PAQR8: variants seen among roughly 807,000 people sequenced by gnomAD.
PAQR8 encodes the protein progestin and adipoQ receptor family member 8.
In PAQR8, 17 loss-of-function variants were observed where a neutral mutation model predicts 25.2. The observed-to-expected ratio is 0.67, with a 90% CI of 0.46 to 1.01. The LOEUF (loss-of-function observed/expected upper bound fraction) is 1.01. Ranked by LOEUF, PAQR8 falls within the 50% of genes least tolerant of loss-of-function variation. The pLI is 0.00. For missense variants in PAQR8, 392 were observed against 448.4 expected (o/e 0.87, Z 1.14); for synonymous variants, 204 against 190.6 (o/e 1.07, Z -0.58).
At chr6:52,388,044 A>G (rs1045043950) in intron 1 of PAQR8, among the ~76,000 whole-genome samples, 47 of 152,196 alleles carry the variant, frequency 3.1e-4, no homozygotes, top group African/African-American at 1.0e-3. Flanking sequence ...CATTATGGTG[A>G]GTTGTATAAT....
At chr6:52,400,442 C>T (rs555555774) in intron 1 of PAQR8, among the ~76,000 whole-genome samples, 13 of 152,292 alleles carry the variant, frequency 8.5e-5, no homozygotes, top group Middle Eastern at 3.4e-3. Context: ...GTCATTTACT[C>T]CACAGATAAC....
chr6:52,395,868 T>G (rs1763761972), intron 1 of PAQR8, among the ~76,000 whole-genome samples: 1 of 152,162 alleles, frequency 6.6e-6, no homozygotes, highest in South Asian at 2.1e-4. Context: ...ATGAGGACAA[T>G]GACACTGAGT....
At chr6:52,380,509 A>AT (rs1763546823) in intron 1 of PAQR8, among the ~76,000 whole-genome samples, 2 of 152,360 alleles carry the variant, frequency 1.3e-5, no homozygotes, top group South Asian at 4.1e-4. Context: ...GGTTATTCTT[A>AT]TATGTGGCCT....
rs1469727371 is a variant in PAQR8 at position 52,362,778 on chromosome 6, A to G, written c.-53+529A>G. The stretch of plus-strand genomic sequence containing the variant: ...CGGAGGAGAGGAAGCCCGGGGCGGT[A>G]GGGAGAGCCCGAGGAAGGGCAGCCC... On this transcript the variant is annotated intron_variant, in intron 1 of 1. Coordinates refer to ENST00000442253, the MANE Select transcript of PAQR8 (RefSeq NM_133367.5). This position sits in a 1 kb window ranked among gnomAD's most constrained non-coding sequence, Gnocchi z 4.1. Among the ~76,000 whole-genome samples the G allele has an allele frequency of 6.6e-6, 1 of 152,108 alleles. No homozygotes were observed. The highest frequency in any genetic ancestry group is 1.5e-5 in the Non-Finnish European group (1 of 68,000).
chr6:52,404,347 C>G lies in PAQR8; in HGVS notation c.*69C>G. 1 of 1,375,966 alleles carries G rather than the reference C, an allele frequency of 7.3e-7. No individual in the cohort carries two copies. The highest frequency in any genetic ancestry group is 9.8e-7 in the Non-Finnish European group (1 of 1,025,112). The allele number at this position is 1,375,966 out of a possible 1,614,324, so 85.2% of individuals were successfully genotyped here. ...TGGAGAAAACTTGATACAATAGAAG[C>G]TGACTTTTAAGGCATTGGCTTTTAA... On this transcript the variant is annotated 3_prime_UTR_variant, in exon 2 of 2. Coordinates refer to ENST00000442253, the MANE Select transcript of PAQR8 (RefSeq NM_133367.5).
chr6:52,380,676 T>G (rs1763548784), intron 1 of PAQR8, among the ~76,000 whole-genome samples: 1 of 152,234 alleles, frequency 6.6e-6, no homozygotes, highest in African/African-American at 2.4e-5. Flanking sequence ...ACGCCTTCAT[T>G]AAGACTAGGA....
chr6:52,403,379 C>T lies in PAQR8; in HGVS notation c.166C>T (p.Arg56Cys). The T allele has an allele frequency of 1.9e-6, 3 of 1,614,234 alleles. No individual in the cohort carries two copies. The highest frequency in any genetic ancestry group is 2.5e-6 in the Non-Finnish European group (3 of 1,180,048). ...FREPYIRTGY[R>C]PTGHEWRYYF... The stretch of plus-strand genomic sequence containing the variant: ...GGAGCCTTACATCCGCACCGGCTAC[C>T]GCCCCACGGGGCACGAGTGGCGCTA... Residue 56 changes from arginine (R) to cysteine (C), a missense_variant, in exon 2 of 2, where the codon CGC becomes TGC. Coordinates refer to ENST00000442253, the MANE Select transcript of PAQR8 (RefSeq NM_133367.5).
intron 1 of PAQR8, among the ~76,000 whole-genome samples, chr6:52,375,103 C>A (rs888459077): frequency 1.3e-5 from 2 of 152,076 alleles, no homozygotes; most frequent in Non-Finnish European, 2.9e-5. Flanking sequence ...CAGTAGACGA[C>A]AAGTCACTTA....
intron 1 of PAQR8, among the ~76,000 whole-genome samples, chr6:52,377,315 A>G (rs1763496696): frequency 6.6e-6 from 1 of 152,100 alleles, no homozygotes; most frequent in Admixed American, 6.6e-5. Flanking sequence ...TATTGGTACC[A>G]GAAGGATTGT....
rs768987513 is a variant in PAQR8, at chr6:52,403,555, C to T, written c.342C>T (p.Leu114=). The change falls in exon 2 of 2, where the codon CTC becomes CTT. Residue 114 remains leucine, a synonymous_variant. Coordinates refer to ENST00000442253, the MANE Select transcript of PAQR8 (RefSeq NM_133367.5). ...CTACCCACTCCCTGCCTCTGCTCCT[C>T]TTCATCCTGTCGTCAATCACTTACC... ...WASTHSLPLL[L]FILSSITYLT... 6.3e-5 allele frequency: 102 copies of T among 1,613,984 alleles called. No individual in the cohort carries two copies. Among genetic ancestry groups the T allele is most frequent in the Non-Finnish European group, 8.5e-5 (100 of 1,180,046 alleles).
In PAQR8 at chr6:52,407,678, C is replaced by CAAAAAAAA. The variant is rs5876275; in HGVS notation, c.*3425_*3432dup. On this transcript the variant is annotated 3_prime_UTR_variant, in exon 2 of 2. Transcript: ENST00000442253. ...TTGGTCTTGTGTTTTGCTTGCTTGG[C>CAAAAAAAA]AAAAAAAAAAAAAAAAAAAAAAAAA... 7 of 72,818 alleles carry CAAAAAAAA rather than the reference C, an allele frequency of 9.6e-5. No homozygotes were observed. Among genetic ancestry groups the CAAAAAAAA allele is most frequent in the Admixed American group, 1.9e-4 (1 of 5,296 alleles). The allele number at this position is 72,818 out of a possible 1,614,324, so 4.5% of individuals were successfully genotyped here.
At chr6:52,402,997 G>A (rs1763853460) in intron 1 of PAQR8, among the ~76,000 whole-genome samples, 165 bp from the exon 2 acceptor site, 1 of 152,214 alleles carries the variant, frequency 6.6e-6, no homozygotes, top group Admixed American at 6.5e-5. Context: ...CCTGAGCCCA[G>A]GAATTAGAGG....
At chr6:52,393,149 A>G (rs1763728943) in intron 1 of PAQR8, among the ~76,000 whole-genome samples, 1 of 152,160 alleles carries the variant, frequency 6.6e-6, no homozygotes, top group Admixed American at 6.6e-5. Context: ...GCAGCCTTGG[A>G]CAAGTTATGT....
At chr6:52,374,588 C>T (rs1307802198) in intron 1 of PAQR8, among the ~76,000 whole-genome samples, 1 of 152,082 alleles carries the variant, frequency 6.6e-6, no homozygotes, top group Non-Finnish European at 1.5e-5. Flanking sequence ...TAATTTTTTG[C>T]AGGGTCTTGC....
intron 1 of PAQR8, among the ~76,000 whole-genome samples, chr6:52,367,074 G>C (rs180711107): frequency 2.0e-4 from 30 of 152,196 alleles, no homozygotes; most frequent in Admixed American, 3.3e-4. Flanking sequence ...GGGAGAAGTG[G>C]GTGGTGAATT....
At chr6:52,382,097 C>T (rs1763567919) in intron 1 of PAQR8, among the ~76,000 whole-genome samples, 2 of 152,144 alleles carry the variant, frequency 1.3e-5, no homozygotes, top group Admixed American at 1.3e-4. Context: ...ACAATACTTG[C>T]CCATAAGAAA....
At chr6:52,366,107 A>C (rs774170680) in intron 1 of PAQR8, among the ~76,000 whole-genome samples, 53 of 152,126 alleles carry the variant, frequency 3.5e-4, no homozygotes, top group Non-Finnish European at 6.2e-4. Flanking sequence ...CTGGCACTGA[A>C]ATCTCAGCTC....
rs1763323697 is a variant in PAQR8 at position 52,364,085 on chromosome 6, T to TTTTTTTTTG, written c.-53+1844_-53+1845insGTTTTTTTT. ...TGGATATATCCATTGAAAGATATGT[T>TTTTTTTTTG]TTTTTTTTTTTTTTTTTTGCGGGTG... On this transcript the variant is annotated intron_variant, in intron 1 of 1. Transcript: ENST00000442253. Among the ~76,000 whole-genome samples, 18 of 88,286 alleles carry TTTTTTTTTG rather than the reference T, an allele frequency of 2.0e-4. 1 individual carries two copies. Among genetic ancestry groups the TTTTTTTTTG allele is most frequent in the Admixed American group, 1.4e-3 (14 of 10,168 alleles). The allele number at this position is 88,286 out of a possible 152,430, so 57.9% of individuals were successfully genotyped here. A position where few individuals can be genotyped will look rare whatever the true frequency, so the allele number is the denominator to read the frequency against.
intron 1 of PAQR8, among the ~76,000 whole-genome samples, chr6:52,398,617 G>A (rs1247152971): frequency 1.3e-5 from 2 of 151,736 alleles, no homozygotes; most frequent in Non-Finnish European, 2.9e-5. Flanking sequence ...GCAGTGGCAC[G>A]ATCTCGGCTC....
Sources: gnomAD v4.1 joint callset for allele counts (sites outside exome capture counted in the v4.1 genomes callset) on GRCh38, gnomAD v4.1.1 for gene constraint, Gnocchi (gnomAD v3.1) non-coding constraint, MANE v1.5 for transcripts, NCBI Gene and HGNC (gene_info 2026-07-23, HGNC 2026-07-21) for gene names.